Variants in COQ10B observed in about 807,000 individuals in gnomAD.
COQ10B encodes coenzyme Q10B.
Under a neutral mutation model 27.6 loss-of-function variants are expected in COQ10B, and 12 were observed. The observed-to-expected ratio is 0.43, with a 90% CI of 0.28 to 0.70. The LOEUF is 0.70. Among genes scored for constraint, COQ10B ranks in the 30% least tolerant of loss-of-function variants. COQ10B has a pLI of 0.17. For missense variants in COQ10B, 278 were observed against 288.7 expected (o/e 0.96, Z 0.27); for synonymous variants, 115 against 103.0 (o/e 1.12, Z -0.71).
chr2:197,472,949 T>C (rs770507204), intron 4 of COQ10B, among the ~76,000 whole-genome samples: 4 of 152,234 alleles, frequency 2.6e-5, no homozygotes, highest in Non-Finnish European at 5.9e-5. Context: ...TCCTTCCTTA[T>C]TTCCTTTTGT....
intron 3 of COQ10B, among the ~76,000 whole-genome samples, chr2:197,464,272 T>C (rs923810316): frequency 5.9e-5 from 9 of 151,966 alleles, no homozygotes; most frequent in Middle Eastern, 3.2e-3. Flanking sequence ...ATATTTCTTT[T>C]GCATTCCCAT....
At chr2:197,473,415 A>AAAAAAAAT (rs1229206676) in intron 4 of COQ10B, among the ~76,000 whole-genome samples, 1 of 59,522 alleles carries the variant, frequency 1.7e-5, no homozygotes, top group Non-Finnish European at 2.9e-5. Flanking sequence ...AAAAAAAAAA[A>AAAAAAAAT]ATATATATAT....
Position 197,454,263 on chromosome 2 carries a change from G to A in COQ10B, c.104+599G>A, listed in dbSNP as rs576908280. 10 of 848,132 alleles carry A rather than the reference G, an allele frequency of 1.2e-5. No homozygotes were observed. In the South Asian group the frequency reaches 1.9e-4, roughly 16 times the overall value. 52.5% of individuals were successfully genotyped at this position (848,132 alleles called of 1,614,324 possible). ...ATTTTCCTGGTTGGTTCATTTTTTG[G>A]TAGGTGGGGGTGGAGATGGAGGTCG... On this transcript the variant is annotated intron_variant, in intron 1 of 4. Transcript: ENST00000263960.
chr2:197,459,126 A>T (rs1379882149), intron 1 of COQ10B, among the ~76,000 whole-genome samples: 2 of 152,194 alleles, frequency 1.3e-5, no homozygotes, highest in Admixed American at 6.5e-5. Context: ...TGGAGACTGC[A>T]AGGTAAAGGA....
chr2:197,460,607 A>G (rs878979187), intron 2 of COQ10B, among the ~76,000 whole-genome samples: 1 of 152,190 alleles, frequency 6.6e-6, no homozygotes, highest in Non-Finnish European at 1.5e-5. Context: ...CATTTTTTGT[A>G]CATTGTTCTT....
chr2:197,474,037 G>A lies in COQ10B; in HGVS notation c.*113G>A. On this transcript the variant is annotated 3_prime_UTR_variant, in exon 5 of 5. Transcript: ENST00000263960. Reference sequence around the variant, plus strand: ...AAAGCATTTGTTAAACGCAGCTTTGGTTATAAACCTGCACCATTGAAAATT... The same window carrying A: ...AAAGCATTTGTTAAACGCAGCTTTGATTATAAACCTGCACCATTGAAAATT... 1.3e-6 allele frequency: 1 copy of A among 762,134 alleles called. No homozygotes were observed. The highest frequency in any genetic ancestry group is 1.9e-6 in the Non-Finnish European group (1 of 520,208). The allele number at this position is 762,134 out of a possible 1,614,324, so 47.2% of individuals were successfully genotyped here.
At chr2:197,466,179 T>G (rs2085823538) in intron 3 of COQ10B, among the ~76,000 whole-genome samples, 1 of 152,174 alleles carries the variant, frequency 6.6e-6, no homozygotes, top group Non-Finnish European at 1.5e-5. Context: ...ACTTCCCTGC[T>G]CCCTCCTCCC....
chr2:197,461,461 C>T (rs550291270), intron 2 of COQ10B, among the ~76,000 whole-genome samples: 144 of 152,132 alleles, frequency 9.5e-4, no homozygotes, highest in Non-Finnish European at 1.8e-3. Context: ...CTAGCAACAG[C>T]ACCACGTAAA....
rs1229206676 is a variant in COQ10B, at chr2:197,473,415, A to AAAATAT, written c.550-341_550-340insAATATA. 2.7e-3 allele frequency among the ~76,000 whole-genome samples: 163 copies of AAAATAT among 59,484 alleles called. 1 individual carries two copies. The highest frequency in any genetic ancestry group is 0.014 in the East Asian group (35 of 2,592). 39.0% of individuals were successfully genotyped at this position (59,484 alleles called of 152,430 possible). A position where few individuals can be genotyped will look rare whatever the true frequency, so the allele number is the denominator to read the frequency against. ...CGCCCCCCCCCACAAAAAAAAAAAA[A>AAAATAT]ATATATATATATATATATATATATA... On this transcript the variant is annotated intron_variant, in intron 4 of 4. Coordinates refer to ENST00000263960, the MANE Select transcript of COQ10B (RefSeq NM_025147.5).
chr2:197,473,411 A>ATATATAT (rs1553575302), intron 4 of COQ10B, among the ~76,000 whole-genome samples: 3 of 61,186 alleles, frequency 4.9e-5, no homozygotes, highest in Non-Finnish European at 1.0e-4. Context: ...ACAAAAAAAA[A>ATATATAT]AAAAATATAT....
chr2:197,468,300 G>A (rs1435671104), intron 3 of COQ10B, among the ~76,000 whole-genome samples: 2 of 151,918 alleles, frequency 1.3e-5, no homozygotes, highest in Non-Finnish European at 2.9e-5. Context: ...AAAATTAGCC[G>A]AGCATGGTGG....
intron 4 of COQ10B, among the ~76,000 whole-genome samples, chr2:197,473,398 C>G (rs1457055934): frequency 9.3e-6 from 1 of 107,508 alleles, no homozygotes; most frequent in African/African-American, 4.0e-5. Context: ...TACGCCCCCC[C>G]CCACAAAAAA....
At position 197,459,327 on chromosome 2, in the gene COQ10B, C is replaced by A. The variant is rs182899735; in HGVS notation, c.105-605C>A. On this transcript the variant is annotated intron_variant, in intron 1 of 4. Coordinates refer to ENST00000263960, the MANE Select transcript of COQ10B (RefSeq NM_025147.5). The stretch of plus-strand genomic sequence containing the variant: ...AACTACAGGCACATGCCACCATGGC[C>A]GGCTAATTTTTAAATTTTTTTGTAG... 5.1e-4 allele frequency among the ~76,000 whole-genome samples: 77 copies of A among 152,084 alleles called. 1 individual carries two copies. The East Asian group carries it at 0.013, about 26-fold the overall frequency.
intron 3 of COQ10B, among the ~76,000 whole-genome samples, chr2:197,468,447 A>C (rs1248307514): frequency 6.6e-6 from 1 of 151,524 alleles, no homozygotes; most frequent in Non-Finnish European, 1.5e-5. Flanking sequence ...CGTCTCAAAA[A>C]AAAAAAAAAA....
chr2:197,462,306 C>T (rs1288211420), intron 2 of COQ10B, among the ~76,000 whole-genome samples: 2 of 151,342 alleles, frequency 1.3e-5, no homozygotes, highest in African/African-American at 2.4e-5. Context: ...ATGTCAGATT[C>T]AACCTGTGAG....
rs1410502502 is a variant in COQ10B, at chr2:197,474,239, T to G, written c.*315T>G. 1 of 192,948 alleles carries G rather than the reference T, an allele frequency of 5.2e-6. No individual in the cohort carries two copies. Among genetic ancestry groups the G allele is most frequent in the Non-Finnish European group, 1.1e-5 (1 of 95,082 alleles). The allele number at this position is 192,948 out of a possible 1,614,324, so 12.0% of individuals were successfully genotyped here. ...ACTGTAAATTTAAACCTTTTAATTA[T>G]CACCTTACCTGAAAGAGGTTAGTTA... On this transcript the variant is annotated 3_prime_UTR_variant, in exon 5 of 5. Coordinates refer to ENST00000263960, the MANE Select transcript of COQ10B (RefSeq NM_025147.5).
rs193272650 is a variant in COQ10B at position 197,468,398 on chromosome 2, G to A, written c.448-1672G>A. ...GCGGAGCTTGCAGTGAGTCGAGATC[G>A]CGCCACTGCACTCCAGCCTGGGTGA... On this transcript the variant is annotated intron_variant, in intron 3 of 4. Transcript: ENST00000263960. Among the ~76,000 whole-genome samples the A allele has an allele frequency of 4.5e-3, 661 of 146,862 alleles. 17 individuals are homozygous for A. Among genetic ancestry groups the A allele is most frequent in the Admixed American group, 0.043 (625 of 14,508 alleles).
chr2:197,462,858 A>G (rs113224617), intron 3 of COQ10B, 127 bp downstream of exon 3: 53 of 552,578 alleles, frequency 9.6e-5, no homozygotes, highest in African/African-American at 8.2e-4. Flanking sequence ...AATTTATTAT[A>G]TCTCCTAACT....
chr2:197,454,364 A>C (rs1559289858), intron 1 of COQ10B: 1 of 366,206 alleles, frequency 2.7e-6, no homozygotes, highest in Non-Finnish European at 5.0e-6. Context: ...AATTAAAGTT[A>C]GTGTGTTTAA....
Sources: allele counts gnomAD v4.1 joint callset (sites outside exome capture counted in the v4.1 genomes callset), GRCh38; gene constraint gnomAD v4.1.1; transcripts MANE v1.5; gene names NCBI Gene and HGNC (gene_info 2026-07-23, HGNC 2026-07-21).